Variants in SPINK13 observed in about 807,000 individuals in gnomAD.
SPINK13 encodes serine protease inhibitor Kazal-type 13.
Under a neutral mutation model 11.0 loss-of-function variants are expected in SPINK13, and 11 were observed. The ratio of observed to expected loss-of-function variants is 1.00; its 90% CI spans 0.63 to 1.65. SPINK13 has a LOEUF of 1.65. Among genes scored for constraint, SPINK13 ranks in the 40% most tolerant of loss-of-function variants. The pLI, the probability that SPINK13 is intolerant of heterozygous loss-of-function variation, is 0.00. For synonymous variants in SPINK13, 31 were observed against 35.6 expected (o/e 0.87, Z 0.46); for missense variants, 113 against 117.7 (o/e 0.96, Z 0.19).
chr5:148,270,097 A>G lies in SPINK13; in HGVS notation c.25A>G (p.Ile9Val), dbSNP rs751897967. Residue 9 changes from isoleucine to valine, a missense_variant, in exon 2 of 5, where the codon ATA becomes GTA. Coordinates refer to ENST00000398450, the MANE Select transcript of SPINK13 (RefSeq NM_001040129.3). Reference protein sequence around the residue: MAAFPHKIIFFLVCSTLTH... With the variant: MAAFPHKIVFFLVCSTLTH... ...AATGGCTGCCTTTCCCCACAAGATT[A>G]TATTTTTCCTGGTATGCTCTACTTT... 8.1e-6 allele frequency: 13 copies of G among 1,613,976 alleles called. No individual in the cohort carries two copies. The South Asian group carries it at 1.1e-4, about 14-fold the overall frequency.
intron 4 of SPINK13, among the ~76,000 whole-genome samples, chr5:148,283,080 C>T (rs1376970771): frequency 1.3e-5 from 2 of 152,108 alleles, no homozygotes; most frequent in African/African-American, 4.8e-5. Flanking sequence ...GCACAAGTTT[C>T]CAGCTGTCTT....
chr5:148,272,480 A>ATTCT (rs1756365404), intron 2 of SPINK13, among the ~76,000 whole-genome samples: 1 of 152,144 alleles, frequency 6.6e-6, no homozygotes, highest in Non-Finnish European at 1.5e-5. Context: ...GGAAAGGATG[A>ATTCT]TTCTTTTTCC....
chr5:148,285,076 A>T (rs1430731362), intron 4 of SPINK13, among the ~76,000 whole-genome samples: 1 of 152,136 alleles, frequency 6.6e-6, no homozygotes, highest in Non-Finnish European at 1.5e-5. Flanking sequence ...CAGATTTCAA[A>T]CTTGCTTAGT....
intron 4 of SPINK13, among the ~76,000 whole-genome samples, chr5:148,283,622 C>G (rs76338293): frequency 2.0e-5 from 3 of 152,112 alleles, no homozygotes; most frequent in African/African-American, 7.2e-5. Flanking sequence ...TTAACCAGGT[C>G]TCTACTGTTG....
rs187682521 is a variant in SPINK13 at position 148,271,300 on chromosome 5, G to A, written c.70+1158G>A. On this transcript the variant is annotated intron_variant, in intron 2 of 4. Transcript: ENST00000398450. ...AGAATTGGATTAATCACAATACTTGGTTCAATAAATTTCATTGGGTTCAAT... is the reference window on the plus strand; with the variant it reads ...AGAATTGGATTAATCACAATACTTGATTCAATAAATTTCATTGGGTTCAAT... 3.0e-3 allele frequency among the ~76,000 whole-genome samples: 457 copies of A among 152,168 alleles called. 2 individuals carry two copies. Among genetic ancestry groups the A allele is most frequent in the Non-Finnish European group, 4.1e-3 (278 of 67,992 alleles).
chr5:148,280,121 TTTCATC>T (rs2113372403), intron 3 of SPINK13, among the ~76,000 whole-genome samples: 1 of 152,308 alleles, frequency 6.6e-6, no homozygotes, highest in South Asian at 2.1e-4. Context: ...ATGCTGTGTT[TTTCATC>T]TTCATCAAGT....
intron 3 of SPINK13, among the ~76,000 whole-genome samples, chr5:148,281,407 C>G (rs1472933352): frequency 1.3e-5 from 2 of 152,142 alleles, no homozygotes; most frequent in Non-Finnish European, 2.9e-5. Context: ...ACCCAGGGCC[C>G]TGGTGGTGTA....
intron 2 of SPINK13, among the ~76,000 whole-genome samples, chr5:148,271,352 T>C (rs1218654742): frequency 6.6e-6 from 1 of 152,192 alleles, no homozygotes; most frequent in Non-Finnish European, 1.5e-5. Flanking sequence ...TATATCATTC[T>C]TGCAAAAATC....
intron 3 of SPINK13, among the ~76,000 whole-genome samples, chr5:148,276,868 G>C (rs1756437348): frequency 6.6e-6 from 1 of 152,174 alleles, no homozygotes; most frequent in South Asian, 2.1e-4. Flanking sequence ...ACTTTGGGCA[G>C]TATCGCCATT....
chr5:148,284,195 C>T (rs1420576638), intron 4 of SPINK13, among the ~76,000 whole-genome samples: 2 of 129,970 alleles, frequency 1.5e-5, no homozygotes, highest in African/African-American at 7.4e-5. Context: ...CCTTCCCTTC[C>T]TTTCCTTCCT....
Position 148,269,338 on chromosome 5 carries a change from C to T in SPINK13, c.-34+450C>T, listed in dbSNP as rs149626126. 7.1e-4 allele frequency among the ~76,000 whole-genome samples: 108 copies of T among 152,314 alleles called. No homozygotes were observed. The East Asian group carries it at 0.019, about 27-fold the overall frequency. ...AGAATTTGAACTGCCATCTCTCTAA[C>T]TCCAAACTCTGATTTCTAGCATCTC... On this transcript the variant is annotated intron_variant, in intron 1 of 4. Coordinates refer to ENST00000398450, the MANE Select transcript of SPINK13 (RefSeq NM_001040129.3).
chr5:148,276,150 T>G (rs1581165651), intron 3 of SPINK13, among the ~76,000 whole-genome samples: 1 of 152,320 alleles, frequency 6.6e-6, no homozygotes, highest in South Asian at 2.1e-4. Flanking sequence ...AGGTTGTTTT[T>G]TTCTTATAAA....
At chr5:148,274,975 G>A (rs1016761624) in intron 3 of SPINK13, among the ~76,000 whole-genome samples, 2 of 152,048 alleles carry the variant, frequency 1.3e-5, no homozygotes, top group African/African-American at 2.4e-5. Context: ...AAGCTAAACC[G>A]TGGTAAATCC....
At chr5:148,269,568 C>T (rs1240854662) in intron 1 of SPINK13, among the ~76,000 whole-genome samples, 2 of 152,112 alleles carry the variant, frequency 1.3e-5, no homozygotes, top group Non-Finnish European at 2.9e-5. Context: ...TGGTCCATCT[C>T]AGGGAATCAC....
intron 2 of SPINK13, 61 bp downstream of exon 2, chr5:148,270,203 A>G: frequency 6.4e-7 from 1 of 1,551,644 alleles, no homozygotes; most frequent in Non-Finnish European, 8.8e-7. Context: ...ATAGGAAAGA[A>G]AACGAGTAAT....
rs192363831 is a variant in SPINK13 at position 148,279,140 on chromosome 5, T to G, written c.109-2964T>G. Among the ~76,000 whole-genome samples, 688 of 143,750 alleles carry G rather than the reference T, an allele frequency of 4.8e-3. 12 individuals are homozygous for G. The highest frequency in any genetic ancestry group is 0.016 in the African/African-American group (612 of 38,866). 94.3% of individuals were successfully genotyped at this position (143,750 alleles called of 152,430 possible). A position where few individuals can be genotyped will look rare whatever the true frequency, so the allele number is the denominator to read the frequency against. On this transcript the variant is annotated intron_variant, in intron 3 of 4. Coordinates refer to ENST00000398450, the MANE Select transcript of SPINK13 (RefSeq NM_001040129.3). Reference sequence around the variant, plus strand: ...TTGCTTTCCATTTGCTTGGTAAATCTTCCTCCATCCCTTTATTTTGAGTCT... The same window carrying G: ...TTGCTTTCCATTTGCTTGGTAAATCGTCCTCCATCCCTTTATTTTGAGTCT...
chr5:148,283,113 G>C (rs1014588457), intron 4 of SPINK13, among the ~76,000 whole-genome samples: 2 of 152,088 alleles, frequency 1.3e-5, no homozygotes, highest in Non-Finnish European at 2.9e-5. Flanking sequence ...TCACAGAAGC[G>C]ATACTTAATT....
intron 4 of SPINK13, 87 bp from the exon 5 acceptor site, chr5:148,285,913 C>T (rs1756582823): frequency 1.4e-6 from 1 of 731,378 alleles, no homozygotes; most frequent in Non-Finnish European, 2.2e-6. Flanking sequence ...TTTTCAGGAC[C>T]TCTTTTAGAA....
chr5:148,269,497 G>A (rs1215023997), intron 1 of SPINK13, among the ~76,000 whole-genome samples: 1 of 152,048 alleles, frequency 6.6e-6, no homozygotes, highest in Non-Finnish European at 1.5e-5. Context: ...TTGAGCCCAT[G>A]TGACTGACCT....
Sources: gnomAD v4.1 joint callset for allele counts (sites outside exome capture counted in the v4.1 genomes callset) on GRCh38, gnomAD v4.1.1 for gene constraint, MANE v1.5 for transcripts, NCBI Gene and HGNC (gene_info 2026-07-23, HGNC 2026-07-21) for gene names.